SLC2A9: variants seen among roughly 807,000 people sequenced by gnomAD.
SLC2A9 encodes the protein solute carrier family 2, facilitated glucose transporter member 9.
In SLC2A9, 39 loss-of-function variants were observed where a neutral mutation model predicts 50.6. That is an observed-to-expected ratio of 0.77 (90% confidence interval 0.60 to 1.01). SLC2A9 has a LOEUF of 1.01. SLC2A9 is among the 50% of genes least tolerant of loss of function. The pLI is 0.00. For missense variants in SLC2A9, 686 were observed against 677.6 expected (o/e 1.01, Z -0.14); for synonymous variants, 324 against 276.9 (o/e 1.17, Z -1.69).
intron 3 of SLC2A9, among the ~76,000 whole-genome samples, chr4:9,804,897 G>C (rs1351554848): frequency 6.6e-6 from 1 of 152,158 alleles, no homozygotes; most frequent in Non-Finnish European, 1.5e-5. Context: ...TGGAAGAGCT[G>C]AGAGGGCTAA....
intron 10 of SLC2A9, among the ~76,000 whole-genome samples, chr4:9,837,069 A>G (rs930925449): frequency 2.0e-5 from 3 of 152,136 alleles, no homozygotes; most frequent in African/African-American, 7.2e-5. Flanking sequence ...AACAAATCAA[A>G]AACAACTCGG....
chr4:10,031,334 G>A (rs183810185), intron 1 of SLC2A9, among the ~76,000 whole-genome samples: 17 of 152,350 alleles, frequency 1.1e-4, no homozygotes, highest in Admixed American at 9.1e-4. Context: ...CAACAGGCTG[G>A]CCCATGACCT....
chr4:9,898,035 C>T (rs1020324278), intron 8 of SLC2A9, among the ~76,000 whole-genome samples: 3 of 152,180 alleles, frequency 2.0e-5, no homozygotes, highest in Non-Finnish European at 4.4e-5. Context: ...GAGAGAGGCA[C>T]GGGACATTCT....
intron 3 of SLC2A9, among the ~76,000 whole-genome samples, chr4:9,788,151 ATATT>A (rs1386234125): frequency 6.6e-6 from 1 of 152,034 alleles, no homozygotes; most frequent in Non-Finnish European, 1.5e-5. Flanking sequence ...TTTGTTTTAT[ATATT>A]TATTTACATC....
intron 3 of SLC2A9, among the ~76,000 whole-genome samples, chr4:9,785,847 C>T (rs963827923): frequency 3.9e-5 from 6 of 152,124 alleles, no homozygotes; most frequent in African/African-American, 1.2e-4. Flanking sequence ...GGATAGATAA[C>T]GCCAGGCAGG....
chr4:9,940,667 A>G (rs770569253), intron 6 of SLC2A9, among the ~76,000 whole-genome samples: 21 of 152,206 alleles, frequency 1.4e-4, no homozygotes, highest in Non-Finnish European at 2.1e-4. Context: ...TGCAAAATGA[A>G]GGTAATAACA....
chr4:9,803,596 G>A (rs1016464870), intron 3 of SLC2A9, among the ~76,000 whole-genome samples: 27 of 152,172 alleles, frequency 1.8e-4, no homozygotes, highest in African/African-American at 6.0e-4. Context: ...GAGAGATTGA[G>A]GAAACCTTCA....
chr4:9,881,313 G>T (rs1250694707), intron 10 of SLC2A9, among the ~76,000 whole-genome samples: 1 of 152,130 alleles, frequency 6.6e-6, no homozygotes, highest in African/African-American at 2.4e-5. Context: ...TGAGCACCAG[G>T]GCTTTAAAAG....
At chr4:10,030,908 C>G (rs1334620110) in intron 1 of SLC2A9, among the ~76,000 whole-genome samples, 1 of 152,152 alleles carries the variant, frequency 6.6e-6, no homozygotes. Flanking sequence ...GACCTGGAAA[C>G]TGGGGCTTAG....
Position 9,977,078 on chromosome 4 carries a change from G to A in SLC2A9, c.681+3514C>T, listed in dbSNP as rs528845684. ...CATTACTCTGACCCAACTCATAACT[G>A]GACCAGTCAACCCCTTCAGTCCTGG... On this transcript the variant is annotated intron_variant, in intron 5 of 11. Coordinates refer to ENST00000264784, the MANE Select transcript of SLC2A9 (RefSeq NM_020041.3). 1.4e-3 allele frequency among the ~76,000 whole-genome samples: 207 copies of A among 152,158 alleles called. No homozygotes were observed. In the South Asian group the frequency reaches 0.026, roughly 19 times the overall value.
At position 9,880,672 on chromosome 4, in the gene SLC2A9, C is replaced by G. The variant is rs1394721286; in HGVS notation, c.1291+6895G>C. 8 of 491,682 alleles carry G rather than the reference C, an allele frequency of 1.6e-5. No homozygotes were observed. In the East Asian group the frequency reaches 1.2e-3, roughly 75 times the overall value. The allele number at this position is 491,682 out of a possible 1,614,324, so 30.5% of individuals were successfully genotyped here. A position where few individuals can be genotyped will look rare whatever the true frequency, so the allele number is the denominator to read the frequency against. On this transcript the variant is annotated intron_variant, in intron 10 of 11. Transcript: ENST00000264784. ...TGGGGAAGAAGGTCAACTTTTCACT[C>G]AGATACAATGCTGACATTTACCGTT...
intron 10 of SLC2A9, among the ~76,000 whole-genome samples, chr4:9,844,272 T>C (rs549679953): frequency 9.9e-5 from 15 of 152,202 alleles, no homozygotes; most frequent in African/African-American, 3.6e-4. Flanking sequence ...TTCCCCTCTT[T>C]CTTTCTCTCC....
At chr4:9,982,022 T>C (rs977614469) in intron 4 of SLC2A9, among the ~76,000 whole-genome samples, 2 of 152,008 alleles carry the variant, frequency 1.3e-5, no homozygotes, top group Non-Finnish European at 2.9e-5. Context: ...GCTGGGATTA[T>C]AGGCATGCGC....
intron 1 of SLC2A9, among the ~76,000 whole-genome samples, chr4:10,032,222 A>G (rs1763960325): frequency 6.6e-6 from 1 of 152,148 alleles, no homozygotes; most frequent in Non-Finnish European, 1.5e-5. Flanking sequence ...GTGATGAGAG[A>G]GGCAATATCA....
At chr4:9,843,314 A>G (rs974904008) in intron 10 of SLC2A9, among the ~76,000 whole-genome samples, 1 of 152,226 alleles carries the variant, frequency 6.6e-6, no homozygotes, top group Admixed American at 6.5e-5. Flanking sequence ...TCAGGTAGCC[A>G]TTACTAATAA....
chr4:10,026,062 G>A (rs1763741593), upstream of SLC2A9: 1 of 1,288,658 alleles, frequency 7.8e-7, no homozygotes, highest in Non-Finnish European at 1.1e-6. Flanking sequence ...AGATGTGCAA[G>A]TCAGGGGAGG....
At chr4:9,796,461 G>A (rs559976332), downstream of SLC2A9, among the ~76,000 whole-genome samples, 1 of 152,300 alleles carries the variant, frequency 6.6e-6, no homozygotes, top group South Asian at 2.1e-4. Context: ...TCTGTTGAAT[G>A]GAGATATTTA....
chr4:9,800,748 CAGGTATTAT>C (rs1480966246), intron 3 of SLC2A9, among the ~76,000 whole-genome samples: 1 of 152,172 alleles, frequency 6.6e-6, no homozygotes, highest in Non-Finnish European at 1.5e-5. Flanking sequence ...TACAACGCAT[CAGGTATTAT>C]AGGTAATCTG....
intron 10 of SLC2A9, among the ~76,000 whole-genome samples, chr4:9,837,888 C>A (rs1727350402): frequency 6.6e-6 from 1 of 152,162 alleles, no homozygotes; most frequent in African/African-American, 2.4e-5. Flanking sequence ...GGTGGTAAAG[C>A]ATAGTGGACT....
Sources: allele counts gnomAD v4.1 joint callset (sites outside exome capture counted in the v4.1 genomes callset), GRCh38; gene constraint gnomAD v4.1.1; transcripts MANE v1.5; gene names NCBI Gene and HGNC (gene_info 2026-07-23, HGNC 2026-07-21).